Variants in DCDC1 observed in about 807,000 individuals in gnomAD.
DCDC1 encodes doublecortin domain containing 1, also known as doublecortin domain-containing protein 1.
In DCDC1, 200 loss-of-function variants were observed where a neutral mutation model predicts 178.3. That is an observed-to-expected ratio of 1.12 (90% CI 1.00 to 1.26). DCDC1 has a LOEUF of 1.26. Ranked by LOEUF, DCDC1 falls within the 50% of genes most tolerant of loss-of-function variation. The probability of loss-of-function intolerance (pLI) is 0.00; values close to 1 mark genes in which losing one functional copy is unlikely to be tolerated. For synonymous variants in DCDC1, 690 were observed against 604.8 expected, an observed-to-expected ratio of 1.14 and a Z score of -2.07; for missense variants, 1,983 against 1,749.2, an observed-to-expected ratio of 1.13 and a Z score of -2.38.
Position 31,077,902 on chromosome 11 carries a change from T to C in DCDC1, c.2261A>G (p.Lys754Arg), listed in dbSNP as rs1426665135. Residue 754 changes from lysine to arginine, a missense_variant, in exon 18 of 39, where the codon AAG (lysine) becomes AGG (arginine). By Grantham distance (26) the Lys-to-Arg change is conservative (BLOSUM62 2). Transcript: ENST00000684477. ...QKRHSGDDSQKWVFGTDGCIY... is the reference protein window; with the variant it reads ...QKRHSGDDSQRWVFGTDGCIY... ...GCAACCATCAGTTCCAAACACCCACTTCTGAGAGTCATCTCCACTATGTCT... is the reference window on the plus strand; with the variant it reads ...GCAACCATCAGTTCCAAACACCCACCTCTGAGAGTCATCTCCACTATGTCT... 2.6e-6 allele frequency: 2 copies of C among 766,122 alleles called. No homozygotes were observed. Among genetic ancestry groups the C allele is most frequent in the East Asian group, 4.9e-5 (2 of 41,236 alleles). The allele number at this position is 766,122 out of a possible 1,614,324, so 47.5% of individuals were successfully genotyped here.
intron 12 of DCDC1, 88 bp downstream of exon 12, chr11:31,110,172 C>A (rs1020118615): frequency 6.5e-6 from 4 of 614,992 alleles, no homozygotes; most frequent in East Asian, 2.7e-5. Flanking sequence ...TGATCTTCTG[C>A]AAACAACTTT....
intron 7 of DCDC1, among the ~76,000 whole-genome samples, chr11:31,276,659 T>C (rs1946016320): frequency 1.3e-5 from 2 of 152,286 alleles, no homozygotes; most frequent in South Asian, 4.1e-4. Context: ...TTTGTACCCA[T>C]CTCATTAAGT....
chr11:31,333,747 T>A (rs1434638990), intron 2 of DCDC1, among the ~76,000 whole-genome samples: 3 of 152,284 alleles, frequency 2.0e-5, no homozygotes, highest in African/African-American at 7.2e-5. Flanking sequence ...CCAAGAGATC[T>A]GCTGTTAGTC....
At chr11:30,865,447 A>G (rs1320695950) in intron 38 of DCDC1, 115 bp from the exon 39 acceptor site, 1 of 153,268 alleles carries the variant, frequency 6.5e-6, no homozygotes, top group African/African-American at 2.4e-5. Flanking sequence ...AGAATTTGCT[A>G]TTGAAAAAAT....
chr11:31,201,526 TC>T (rs1971282058), intron 9 of DCDC1, among the ~76,000 whole-genome samples: 3 of 152,102 alleles, frequency 2.0e-5, no homozygotes, highest in Admixed American at 6.6e-5. Context: ...CAGAATAGCT[TC>T]TTAAAGTCTC....
At chr11:31,233,435 C>T (rs778338378) in intron 9 of DCDC1, among the ~76,000 whole-genome samples, 25 of 152,164 alleles carry the variant, frequency 1.6e-4, no homozygotes, top group Non-Finnish European at 2.8e-4. Flanking sequence ...ACAGACAGAG[C>T]ACATATGTGG....
At chr11:31,091,367 T>G in intron 17 of DCDC1, 26 bp downstream of exon 17, 1 of 706,798 alleles carries the variant, frequency 1.4e-6, no homozygotes, top group South Asian at 1.5e-5. Context: ...TTTATTATCT[T>G]GAGCTAAATA....
At chr11:30,947,175 G>A (rs1195713662) in intron 21 of DCDC1, among the ~76,000 whole-genome samples, 1 of 152,008 alleles carries the variant, frequency 6.6e-6, no homozygotes, top group East Asian at 1.9e-4. Flanking sequence ...AAAATAAGAT[G>A]CAAAAATGCA....
At chr11:31,096,371 C>T (rs1958152643) in intron 15 of DCDC1, among the ~76,000 whole-genome samples, 1 of 152,150 alleles carries the variant, frequency 6.6e-6, no homozygotes, top group Non-Finnish European at 1.5e-5. Flanking sequence ...CTCCAAGTTG[C>T]CATCACACTC....
At position 31,250,421 on chromosome 11, in the gene DCDC1, C is replaced by CATATATATATATATATATACATAT; in HGVS notation, c.1055-8806_1055-8805insATATGTATATATATATATATATAT. ...ACACACACACACACACACACATATA[C>CATATATATATATATATATACATAT]ATATATATGTATATATATATATATC... On this transcript the variant is annotated intron_variant, in intron 8 of 38. Transcript: ENST00000684477. Among the ~76,000 whole-genome samples the CATATATATATATATATATACATAT allele has an allele frequency of 1.1e-4, 6 of 52,864 alleles. 1 individual carries two copies. Among genetic ancestry groups the CATATATATATATATATATACATAT allele is most frequent in the South Asian group, 8.7e-4 (1 of 1,146 alleles). The allele number at this position is 52,864 out of a possible 152,430, so 34.7% of individuals were successfully genotyped here. A position where few individuals can be genotyped will look rare whatever the true frequency, so the allele number is the denominator to read the frequency against.
chr11:30,993,539 CTA>C (rs1310050878), intron 20 of DCDC1, among the ~76,000 whole-genome samples: 1 of 151,994 alleles, frequency 6.6e-6, no homozygotes, highest in Non-Finnish European at 1.5e-5. Context: ...GAATGAAAAA[CTA>C]TTTCTAAAAT....
Position 30,915,501 on chromosome 11 carries a change from A to G in DCDC1, c.3653+10T>C. 1 of 1,613,718 alleles carries G rather than the reference A, an allele frequency of 6.2e-7. No homozygotes were observed. Among genetic ancestry groups the G allele is most frequent in the African/African-American group, 1.3e-5 (1 of 74,996 alleles). On this transcript the variant is annotated intron_variant, in intron 27 of 38. Transcript: ENST00000684477. The stretch of plus-strand genomic sequence containing the variant: ...TTTTGATATAGTAAACCCAAATATA[A>G]TGGGATTACCTGCTGTCTTCCTGGT...
chr11:31,102,342 C>A, intron 14 of DCDC1, 60 bp from the exon 15 acceptor site: 1 of 591,334 alleles, frequency 1.7e-6, no homozygotes, highest in Non-Finnish European at 3.1e-6. Flanking sequence ...AATTACAATG[C>A]CCTTTACTCT....
At position 30,938,050 on chromosome 11, in the gene DCDC1, T is replaced by C. The variant is rs191421321; in HGVS notation, c.2716-6098A>G. 3.2e-3 allele frequency among the ~76,000 whole-genome samples: 487 copies of C among 152,106 alleles called. 5 individuals are homozygous for C. The highest frequency in any genetic ancestry group is 0.011 in the African/African-American group (465 of 41,518). ...GCACCCTTTCCCTGCACCTCCTTGC[T>C]TGAACCTCCAGAACCTTCCCCGAGC... On this transcript the variant is annotated intron_variant, in intron 21 of 38. Coordinates refer to ENST00000684477, the MANE Select transcript of DCDC1 (RefSeq NM_001387274.1).
chr11:31,055,958 C>T (rs1384983976), intron 20 of DCDC1, among the ~76,000 whole-genome samples: 4 of 152,076 alleles, frequency 2.6e-5, no homozygotes, highest in Non-Finnish European at 4.4e-5. Context: ...AAAGAACTTA[C>T]TCAAGTAACT....
intron 38 of DCDC1, among the ~76,000 whole-genome samples, chr11:30,873,356 T>G (rs796995587): frequency 0.06 from 8,356 of 138,256 alleles, 253 homozygotes; most frequent in Middle Eastern, 0.099. Context: ...TATATATATA[T>G]ATATATATAG....
chr11:30,987,267 T>TC (rs1489998106), intron 20 of DCDC1, among the ~76,000 whole-genome samples: 1 of 152,152 alleles, frequency 6.6e-6, no homozygotes, highest in Non-Finnish European at 1.5e-5. Flanking sequence ...TCTGCCTGCC[T>TC]CAGCCTCCCA....
intron 20 of DCDC1, among the ~76,000 whole-genome samples, chr11:30,983,592 T>A (rs933991987): frequency 2.0e-5 from 3 of 152,200 alleles, no homozygotes; most frequent in Admixed American, 6.5e-5. Flanking sequence ...GAAATACAAA[T>A]AAAAGTGTTT....
rs1006159534 is a variant in DCDC1 at position 30,989,239 on chromosome 11, G to A, written c.2592-36671C>T. Among the ~76,000 whole-genome samples, 23 of 152,288 alleles carry A rather than the reference G, an allele frequency of 1.5e-4. 1 individual carries two copies. Among genetic ancestry groups the A allele is most frequent in the Admixed American group, 6.5e-4 (10 of 15,290 alleles). On this transcript the variant is annotated intron_variant, in intron 20 of 38. Transcript: ENST00000684477. ...AGTAGTTAAATGAGGGGAATGCTTT[G>A]TAAGATCAAATAATATCAGAACAGA...
Sources: allele counts gnomAD v4.1 joint callset (sites outside exome capture counted in the v4.1 genomes callset), GRCh38; gene constraint gnomAD v4.1.1; transcripts MANE v1.5; gene names NCBI Gene and HGNC (gene_info 2026-07-23, HGNC 2026-07-21).